Variants in GLYAT observed in about 807,000 individuals in gnomAD.
GLYAT encodes the protein glycine-N-acyltransferase.
GLYAT carries 25 observed loss-of-function variants against 22.8 expected under a neutral mutation model. That is an observed-to-expected ratio of 1.09 (90% CI 0.80 to 1.53). The LOEUF (loss-of-function observed/expected upper bound fraction) is 1.53, where lower values mean the gene tolerates loss of function less well. Ranked by LOEUF, GLYAT falls within the 40% of genes most tolerant of loss-of-function variation. The pLI is 0.00. For synonymous variants in GLYAT, 140 were observed against 122.7 expected (o/e 1.14, Z -0.93); for missense variants, 411 against 353.9 (o/e 1.16, Z -1.29).
chr11:58,711,724 A>C (rs1378345198), intron 4 of GLYAT, among the ~76,000 whole-genome samples: 1 of 152,192 alleles, frequency 6.6e-6, no homozygotes, highest in Non-Finnish European at 1.5e-5. Context: ...CATGATTTGC[A>C]CATATCTCCT....
intron 1 of GLYAT, chr11:58,728,874 GA>G (rs1247070247): frequency 9.2e-6 from 1 of 108,688 alleles, no homozygotes; most frequent in African/African-American, 3.8e-5. Context: ...AAGAAAGAAA[GA>G]AAGAAAGAAA....
Position 58,712,825 on chromosome 11 carries a change from T to C in GLYAT, c.251A>G (p.Gln84Arg). The C allele has an allele frequency of 6.2e-7, 1 of 1,609,238 alleles. No individual in the cohort carries two copies. The highest frequency in any genetic ancestry group is 1.3e-5 in the African/African-American group (1 of 74,918). The change falls in exon 4 of 6, where the codon CAA (glutamine) becomes CGA (arginine). Residue 84 changes from glutamine (Q) to arginine (R), a missense_variant. By Grantham distance (43) the Gln-to-Arg change is conservative. Transcript: ENST00000344743. ...TGATCCAAGGAATTCCTGACAGTTTTGGGGATCTTTGGAGTAGATTTGGTA... is the reference window on the plus strand; with the variant it reads ...TGATCCAAGGAATTCCTGACAGTTTCGGGGATCTTTGGAGTAGATTTGGTA... ...NTYQIYSKDP[Q>R]NCQEFLGSPE...
chr11:58,713,884 T>C (rs1455840359), intron 3 of GLYAT, among the ~76,000 whole-genome samples: 1 of 152,184 alleles, frequency 6.6e-6, no homozygotes, highest in Non-Finnish European at 1.5e-5. Flanking sequence ...ATTCATTTCA[T>C]ATATTGTTTA....
rs942012157 is a variant in GLYAT, at chr11:58,726,076, T to A, written c.-15-1565A>T. Among the ~76,000 whole-genome samples the A allele has an allele frequency of 3.3e-5, 5 of 152,274 alleles. No homozygotes were observed. The South Asian group carries it at 1.0e-3, about 32-fold the overall frequency. On this transcript the variant is annotated intron_variant, in intron 1 of 5. Coordinates refer to ENST00000344743, the MANE Select transcript of GLYAT (RefSeq NM_201648.3). ...GATCACCATTTTCAGGTTTGGTTTT[T>A]TTTTGTATTCGGAGACTGAACCTGG...
Position 58,710,604 on chromosome 11 carries a change from G to T in GLYAT, c.474C>A (p.Gly158=). ...LKSKILSPNG[G]KPKAINQEMF... Reference sequence around the variant, plus strand: ...ATCAAACTCACATGGCCTTGGGTTTGCCACCATTGGGAGATAAAATCTTTG... The same window carrying T: ...ATCAAACTCACATGGCCTTGGGTTTTCCACCATTGGGAGATAAAATCTTTG... Residue 158 remains glycine (G), a synonymous_variant, in exon 5 of 6, where the codon GGC becomes GGA. Transcript: ENST00000344743. 13 of 1,602,462 alleles carry T rather than the reference G, an allele frequency of 8.1e-6. No homozygotes were observed. The highest frequency in any genetic ancestry group is 1.1e-5 in the Non-Finnish European group (13 of 1,169,222).
chr11:58,716,241 A>T (rs988964459), intron 2 of GLYAT, among the ~76,000 whole-genome samples: 12 of 152,114 alleles, frequency 7.9e-5, no homozygotes, highest in Non-Finnish European at 1.3e-4. Context: ...GCAGTAGTGG[A>T]TGTCAGCATA....
In GLYAT at chr11:58,729,076, C is replaced by G. The variant is rs927399751; in HGVS notation, c.-16+2759G>C. On this transcript the variant is annotated intron_variant, in intron 1 of 5. Coordinates refer to ENST00000344743, the MANE Select transcript of GLYAT (RefSeq NM_201648.3). ...ATACCTTAGCCCATGGATTCTACCT[C>G]TACCATCTGAGTCTAGTCTACCCTT... Among the ~76,000 whole-genome samples, 22 of 152,272 alleles carry G rather than the reference C, an allele frequency of 1.4e-4. No homozygotes were observed. The East Asian group carries it at 4.2e-3, about 29-fold the overall frequency.
intron 3 of GLYAT, among the ~76,000 whole-genome samples, chr11:58,714,648 A>T (rs148908440): frequency 2.0e-5 from 3 of 152,180 alleles, no homozygotes; most frequent in African/African-American, 7.2e-5. Flanking sequence ...TCTTTGTGAT[A>T]GTAAGTTTTC....
chr11:58,721,329 TG>T (rs1472340791), intron 2 of GLYAT, among the ~76,000 whole-genome samples: 1 of 151,254 alleles, frequency 6.6e-6, no homozygotes, highest in Admixed American at 6.6e-5. Flanking sequence ...TAGAAGGAGA[TG>T]TTTTTATTTT....
At chr11:58,716,999 T>C (rs145925728) in intron 2 of GLYAT, among the ~76,000 whole-genome samples, 1 of 152,268 alleles carries the variant, frequency 6.6e-6, no homozygotes, top group East Asian at 1.9e-4. Context: ...TGTGTTATTT[T>C]GAGTTTCTGA....
At chr11:58,711,211 T>C (rs1219666884) in intron 4 of GLYAT, among the ~76,000 whole-genome samples, 1 of 152,236 alleles carries the variant, frequency 6.6e-6, no homozygotes, top group Non-Finnish European at 1.5e-5. Flanking sequence ...CCCCTTCCTT[T>C]GTTCTCCTCT....
At chr11:58,713,913 C>T (rs1469433672) in intron 3 of GLYAT, among the ~76,000 whole-genome samples, 2 of 151,920 alleles carry the variant, frequency 1.3e-5, no homozygotes, top group Non-Finnish European at 2.9e-5. Flanking sequence ...TTTTGATTGG[C>T]AAATAAATGA....
intron 1 of GLYAT, among the ~76,000 whole-genome samples, chr11:58,727,195 C>G (rs77161776): frequency 0.024 from 3,575 of 152,126 alleles, 50 homozygotes; most frequent in South Asian, 0.045. Context: ...CAGATAGGGA[C>G]AGGATTGGAG....
intron 2 of GLYAT, among the ~76,000 whole-genome samples, chr11:58,717,167 T>C (rs1201412316): frequency 6.6e-6 from 1 of 152,142 alleles, no homozygotes; most frequent in Non-Finnish European, 1.5e-5. Flanking sequence ...CCATCCTTTT[T>C]GTAAAATCTT....
intron 1 of GLYAT, among the ~76,000 whole-genome samples, chr11:58,728,010 A>C (rs1856827085): frequency 6.9e-6 from 1 of 145,534 alleles, no homozygotes; most frequent in African/African-American, 2.6e-5. Context: ...CCCTCTTCCA[A>C]GTTTCCAAGT....
rs1856660336 is a variant in GLYAT at position 58,714,884 on chromosome 11, A to G, written c.189+432T>C. ...TAGTAGCATGAGAACGGACTAAAAC[A>G]ATAGTCACTCTAACTCATTGTCCTT... On this transcript the variant is annotated intron_variant, in intron 3 of 5. Coordinates refer to ENST00000344743, the MANE Select transcript of GLYAT (RefSeq NM_201648.3). 2.0e-5 allele frequency among the ~76,000 whole-genome samples: 3 copies of G among 152,170 alleles called. No individual in the cohort carries two copies. The South Asian group carries it at 6.2e-4, about 31-fold the overall frequency.
chr11:58,718,966 A>AT (rs1160540077), intron 2 of GLYAT, among the ~76,000 whole-genome samples: 1 of 152,014 alleles, frequency 6.6e-6, no homozygotes, highest in East Asian at 1.9e-4. Flanking sequence ...TTATACAAAG[A>AT]CAGCCCAAAG....
intron 1 of GLYAT, among the ~76,000 whole-genome samples, chr11:58,726,435 A>G (rs557604835): frequency 6.6e-6 from 1 of 152,126 alleles, no homozygotes; most frequent in East Asian, 1.9e-4. Context: ...GAGGATTTCA[A>G]TTCTGTCATG....
intron 2 of GLYAT, among the ~76,000 whole-genome samples, chr11:58,718,087 C>T (rs967199656): frequency 6.6e-6 from 1 of 151,828 alleles, no homozygotes; most frequent in Non-Finnish European, 1.5e-5. Context: ...TTTTCAAGGG[C>T]TTTATTGGCT....
Sources: gnomAD v4.1 joint callset for allele counts (sites outside exome capture counted in the v4.1 genomes callset) on GRCh38, gnomAD v4.1.1 for gene constraint, MANE v1.5 for transcripts, NCBI Gene and HGNC (gene_info 2026-07-23, HGNC 2026-07-21) for gene names.